Variants in TMEM178B observed in about 807,000 individuals in gnomAD.
TMEM178B encodes transmembrane protein 178B.
In TMEM178B, 5 loss-of-function variants were observed where a neutral mutation model predicts 31.0. That is an observed-to-expected ratio of 0.16 (90% confidence interval 0.08 to 0.34). The LOEUF (loss-of-function observed/expected upper bound fraction) is 0.34, where lower values mean the gene tolerates loss of function less well. TMEM178B is among the 10% of genes least tolerant of loss of function. TMEM178B has a pLI of 1.00. For missense variants in TMEM178B, 275 were observed against 400.3 expected (o/e 0.69, Z 2.67); for synonymous variants, 164 against 164.0 (o/e 1.00, Z 0.00).
In TMEM178B at chr7:141,343,948, C is replaced by T. The variant is rs549772604; in HGVS notation, c.497-93660C>T. 5.9e-5 allele frequency among the ~76,000 whole-genome samples: 9 copies of T among 152,266 alleles called. No individual in the cohort carries two copies. The East Asian group carries it at 1.5e-3, about 26-fold the overall frequency. On this transcript the variant is annotated intron_variant, in intron 2 of 3. Transcript: ENST00000565468. ...ATCTCCTGTTGCAACCCAGAGGATC[C>T]CTGATCTTGGCCTGTGATTCTCAAA...
intron 1 of TMEM178B, among the ~76,000 whole-genome samples, chr7:141,093,890 T>G (rs951582832): frequency 1.3e-5 from 2 of 152,162 alleles, no homozygotes; most frequent in Non-Finnish European, 2.9e-5. Flanking sequence ...GGTAAAAACT[T>G]GACCAAGAGT....
chr7:141,339,969 A>T (rs909779982), intron 2 of TMEM178B, among the ~76,000 whole-genome samples: 1 of 152,270 alleles, frequency 6.6e-6, no homozygotes, highest in Non-Finnish European at 1.5e-5. Flanking sequence ...ATTGTTAGGC[A>T]TGATTTGATG....
At position 141,183,850 on chromosome 7, in the gene TMEM178B, C is replaced by T. The variant is rs143333619; in HGVS notation, c.383-28741C>T. On this transcript the variant is annotated intron_variant, in intron 1 of 3. Transcript: ENST00000565468. ...GAGCTGAGGAATGTGGGTTTATCCA[C>T]GTGCTGGTTCATGGTGGAATTAGCC... Among the ~76,000 whole-genome samples, 6 of 152,304 alleles carry T rather than the reference C, an allele frequency of 3.9e-5. No homozygotes were observed. The East Asian group carries it at 5.8e-4, about 15-fold the overall frequency.
At chr7:141,417,519 C>G (rs1179586382) in intron 2 of TMEM178B, among the ~76,000 whole-genome samples, 1 of 152,084 alleles carries the variant, frequency 6.6e-6, no homozygotes, top group African/African-American at 2.4e-5. Flanking sequence ...TGAATGGGCA[C>G]TAAGTGAGGG....
At chr7:141,309,434 A>C (rs1387354481) in intron 2 of TMEM178B, among the ~76,000 whole-genome samples, 1 of 152,226 alleles carries the variant, frequency 6.6e-6, no homozygotes, top group East Asian at 1.9e-4. Context: ...ATAGATAAGC[A>C]CTAGGGAGAA....
At chr7:141,179,880 C>G (rs1796492171) in intron 1 of TMEM178B, among the ~76,000 whole-genome samples, 1 of 152,218 alleles carries the variant, frequency 6.6e-6, no homozygotes, top group Admixed American at 6.5e-5. Context: ...GTAGCCTTCT[C>G]CCACAACTCC....
At chr7:141,343,598 A>G (rs975434518) in intron 2 of TMEM178B, among the ~76,000 whole-genome samples, 1 of 145,256 alleles carries the variant, frequency 6.9e-6, no homozygotes, top group Admixed American at 7.1e-5. Context: ...CAATGGTGCA[A>G]TGGTTCAATG....
At chr7:141,127,021 G>C (rs1284613184) in intron 1 of TMEM178B, among the ~76,000 whole-genome samples, 2 of 152,084 alleles carry the variant, frequency 1.3e-5, no homozygotes, top group Non-Finnish European at 2.9e-5. Flanking sequence ...CCTGTGTATA[G>C]CTGACCTTCC....
intron 2 of TMEM178B, among the ~76,000 whole-genome samples, chr7:141,352,946 T>C (rs1389451896): frequency 6.6e-6 from 1 of 152,254 alleles, no homozygotes; most frequent in Non-Finnish European, 1.5e-5. Context: ...CAAAGATGGA[T>C]AGAATACAAC....
At position 141,171,172 on chromosome 7, in the gene TMEM178B, G is replaced by A. The variant is rs149587370; in HGVS notation, c.383-41419G>A. 5.3e-5 allele frequency among the ~76,000 whole-genome samples: 8 copies of A among 152,140 alleles called. No homozygotes were observed. The East Asian group carries it at 1.5e-3, about 29-fold the overall frequency. On this transcript the variant is annotated intron_variant, in intron 1 of 3. Transcript: ENST00000565468. The surrounding 1 kb of genome is among the most constrained non-coding windows in gnomAD (Gnocchi z 4.3). Reference sequence around the variant, plus strand: ...AGGCCTGTTGTTTATTTAAAAATAGGTTGGGTGCAGTGGCTCATGCATGTA... The same window carrying A: ...AGGCCTGTTGTTTATTTAAAAATAGATTGGGTGCAGTGGCTCATGCATGTA...
chr7:141,426,322 C>A (rs566187283), intron 2 of TMEM178B, among the ~76,000 whole-genome samples: 23 of 152,244 alleles, frequency 1.5e-4, no homozygotes, highest in South Asian at 4.1e-4. Flanking sequence ...ACAAAACAAA[C>A]CAAACATGAA....
In TMEM178B at chr7:141,344,582, T is replaced by TCCTTCCTTCCTTCCTC. The variant is rs1563157428; in HGVS notation, c.497-93011_497-93010insCCCTTCCTTCCTTCCT. Reference sequence around the variant, plus strand: ...CTCCATTCCTCCCTCCTCCCTTCCTTCCTTCCTTCCTTCCTTCCTTCCTTC... The same window carrying TCCTTCCTTCCTTCCTC: ...CTCCATTCCTCCCTCCTCCCTTCCTTCCTTCCTTCCTTCCTCCCTTCCTTCCTTCCTTCCTTCCTTC... On this transcript the variant is annotated intron_variant, in intron 2 of 3. Transcript: ENST00000565468. The surrounding 1 kb of genome is among the most constrained non-coding windows in gnomAD (Gnocchi z 4.1). 8.7e-5 allele frequency among the ~76,000 whole-genome samples: 7 copies of TCCTTCCTTCCTTCCTC among 80,870 alleles called. No individual in the cohort carries two copies. The highest frequency in any genetic ancestry group is 7.0e-3 in the Middle Eastern group (1 of 142). 53.1% of individuals were successfully genotyped at this position (80,870 alleles called of 152,430 possible). A position where few individuals can be genotyped will look rare whatever the true frequency, so the allele number is the denominator to read the frequency against.
intron 3 of TMEM178B, among the ~76,000 whole-genome samples, chr7:141,466,268 C>T (rs1802146469): frequency 6.6e-6 from 1 of 152,182 alleles, no homozygotes. Flanking sequence ...CACAGAGCAA[C>T]CAACAGGAAG....
downstream of TMEM178B, among the ~76,000 whole-genome samples, chr7:141,484,986 C>G (rs1802532713): frequency 6.6e-6 from 1 of 152,078 alleles, no homozygotes; most frequent in Admixed American, 6.6e-5. The surrounding 1 kb of genome is among the most constrained non-coding windows in gnomAD (Gnocchi z 4.8). Flanking sequence ...ATAGAAAAAC[C>G]CTTCCTGCTG....
At chr7:141,258,604 C>T (rs1042363669) in intron 2 of TMEM178B, among the ~76,000 whole-genome samples, 11 of 152,124 alleles carry the variant, frequency 7.2e-5, no homozygotes, top group African/African-American at 2.2e-4. Flanking sequence ...CCTTTCAGCC[C>T]GAGGGCTTCC....
intron 2 of TMEM178B, among the ~76,000 whole-genome samples, chr7:141,301,274 G>A (rs2116441453): frequency 6.6e-6 from 1 of 152,272 alleles, no homozygotes; most frequent in Non-Finnish European, 1.5e-5. Flanking sequence ...GGTATCCTCT[G>A]GTGGCTAATT....
At chr7:141,082,291 T>C (rs1376967248) in intron 1 of TMEM178B, among the ~76,000 whole-genome samples, 1 of 152,208 alleles carries the variant, frequency 6.6e-6, no homozygotes, top group South Asian at 2.1e-4. Context: ...GGAGGTTTCA[T>C]TAGCTGAGGG....
At chr7:141,459,824 T>C (rs1247426348) in intron 3 of TMEM178B, among the ~76,000 whole-genome samples, 1 of 152,044 alleles carries the variant, frequency 6.6e-6, no homozygotes, top group African/African-American at 2.4e-5. Flanking sequence ...AGCTTCAGTG[T>C]AGAGTCTTCC....
intron 1 of TMEM178B, among the ~76,000 whole-genome samples, chr7:141,144,605 G>C (rs556238001): frequency 6.6e-6 from 1 of 152,152 alleles, no homozygotes; most frequent in East Asian, 1.9e-4. Flanking sequence ...TGAGCACTGG[G>C]GGTCGGAAGT....
Sources: gnomAD v4.1 joint callset for allele counts (sites outside exome capture counted in the v4.1 genomes callset) on GRCh38, gnomAD v4.1.1 for gene constraint, Gnocchi (gnomAD v3.1) non-coding constraint, MANE v1.5 for transcripts, NCBI Gene and HGNC (gene_info 2026-07-23, HGNC 2026-07-21) for gene names.